The following DCHS2 variants were observed in gnomAD, a reference collection of about 807,000 sequenced individuals.
The protein encoded by DCHS2 is protocadherin-23.
A neutral mutation model predicts 182.4 loss-of-function variants in DCHS2; 142 were observed. The ratio of observed to expected loss-of-function variants is 0.78; its 90% CI spans 0.68 to 0.89. DCHS2 has a LOEUF of 0.89. Among genes scored for constraint, DCHS2 ranks in the 40% least tolerant of loss-of-function variants. The pLI, the probability that DCHS2 is intolerant of heterozygous loss-of-function variation, is 0.00. For synonymous variants in DCHS2, 1,740 were observed against 1,663.3 expected (o/e 1.05, Z -1.12); for missense variants, 4,319 against 4,198.6 (o/e 1.03, Z -0.79).
chr4:154,329,660 C>T lies in DCHS2; in HGVS notation c.3781G>A (p.Glu1261Lys). Residue 1261 changes from glutamate to lysine, a missense_variant, in exon 6 of 20, where the codon GAG becomes AAG. Coordinates refer to ENST00000357232, the MANE Select transcript of DCHS2 (RefSeq NM_001358235.2). ...CGGTCTGTCACTAGCACAGTCATCT[C>T]ATGGTGCCCCCGGTGCTCACGATCC... is the stretch of plus-strand genomic sequence containing the variant. ...ALDREHRGHH[E>K]MTVLVTDRGS... is the part of the protein sequence containing the mutation. 1 of 1,612,312 alleles carries T rather than the reference C, an allele frequency of 6.2e-7. No homozygotes were observed. Among genetic ancestry groups the T allele is most frequent in the Non-Finnish European group, 8.5e-7 (1 of 1,179,868 alleles).
intron 16 of DCHS2, 69 bp from the exon 17 acceptor site, chr4:154,242,841 A>C: frequency 6.6e-7 from 1 of 1,509,466 alleles, no homozygotes; most frequent in Non-Finnish European, 8.8e-7. Context: ...ATAAATATCA[A>C]ATATCTAGTT....
At chr4:154,369,100 T>C (rs960941746) in intron 2 of DCHS2, among the ~76,000 whole-genome samples, 2 of 152,214 alleles carry the variant, frequency 1.3e-5, no homozygotes, top group Non-Finnish European at 2.9e-5. Context: ...ATTCTAATGT[T>C]GTCTTCTTAA....
At chr4:154,489,124 C>CA (rs34485270) in intron 1 of DCHS2, among the ~76,000 whole-genome samples, 180 bp downstream of exon 1, 2 of 151,454 alleles carry the variant, frequency 1.3e-5, no homozygotes, top group East Asian at 1.9e-4. Context: ...AAGACCCTGG[C>CA]AAAAAAAAGT....
At chr4:154,405,015 G>A (rs1029734884) in intron 1 of DCHS2, among the ~76,000 whole-genome samples, 2 of 152,164 alleles carry the variant, frequency 1.3e-5, no homozygotes, top group Admixed American at 1.3e-4. Flanking sequence ...GGGAGGCTGA[G>A]GTGGCTGGAT....
At position 154,341,143 on chromosome 4, in the gene DCHS2, T is replaced by C. The variant is rs1048187297; in HGVS notation, c.2477-6039A>G. On this transcript the variant is annotated intron_variant, in intron 3 of 19. Transcript: ENST00000357232. ...CAGCACTCTGGGAGGCCGAGGCGGG[T>C]GGATCACGAGGTCAGGAGATGGAGA... Among the ~76,000 whole-genome samples, 7 of 151,922 alleles carry C rather than the reference T, an allele frequency of 4.6e-5. No homozygotes were observed. The East Asian group carries it at 1.4e-3, about 29-fold the overall frequency.
chr4:154,357,648 C>A (rs1348926991), intron 3 of DCHS2, among the ~76,000 whole-genome samples: 3 of 152,142 alleles, frequency 2.0e-5, no homozygotes, highest in African/African-American at 7.2e-5. Context: ...TATTTTCATA[C>A]TTTCTTGAAT....
chr4:154,362,615 T>C (rs1730173778), intron 3 of DCHS2, among the ~76,000 whole-genome samples: 1 of 152,054 alleles, frequency 6.6e-6, no homozygotes, highest in Non-Finnish European at 1.5e-5. Context: ...TGGGTTTGAA[T>C]TGCGTGAGTC....
chr4:154,488,717 A>C (rs1425107795), intron 1 of DCHS2, among the ~76,000 whole-genome samples: 1 of 152,140 alleles, frequency 6.6e-6, no homozygotes, highest in East Asian at 1.9e-4. Context: ...AGCCTGGCAA[A>C]CATGGTGAAA....
At chr4:154,250,239 C>G in intron 16 of DCHS2, among the ~76,000 whole-genome samples, 1 of 152,052 alleles carries the variant, frequency 6.6e-6, no homozygotes, top group Non-Finnish European at 1.5e-5. Context: ...TCTTTCAGCC[C>G]AACCTCTCCC....
chr4:154,295,068 C>T (rs1401279957), intron 13 of DCHS2, among the ~76,000 whole-genome samples: 1 of 152,170 alleles, frequency 6.6e-6, no homozygotes, highest in Non-Finnish European at 1.5e-5. Flanking sequence ...GTGTATATAT[C>T]AGTCTCTTTC....
intron 1 of DCHS2, among the ~76,000 whole-genome samples, chr4:154,417,251 G>GAGAGAGA (rs1262645881): frequency 6.9e-6 from 1 of 144,646 alleles, no homozygotes; most frequent in Non-Finnish European, 1.5e-5. Context: ...GAGAGAGAGA[G>GAGAGAGA]ACCAGTCAGG....
intron 3 of DCHS2, among the ~76,000 whole-genome samples, chr4:154,336,420 C>T (rs1226186545): frequency 1.3e-5 from 2 of 152,080 alleles, no homozygotes; most frequent in Admixed American, 6.5e-5. Flanking sequence ...AATGAATTTG[C>T]GAACAAATAC....
chr4:154,390,270 C>T (rs1436084114), intron 1 of DCHS2, among the ~76,000 whole-genome samples: 10 of 111,228 alleles, frequency 9.0e-5, no homozygotes, highest in Middle Eastern at 5.4e-3. Context: ...CCCCCCTCCC[C>T]CCACCCCACA....
At chr4:154,316,131 A>G (rs1735848317) in intron 9 of DCHS2, 144 bp from the exon 10 acceptor site, 1 of 1,332,268 alleles carries the variant, frequency 7.5e-7, no homozygotes. Context: ...AATCATCTTT[A>G]AATGTATACA....
At chr4:154,264,910 G>A (rs190180912) in intron 14 of DCHS2, among the ~76,000 whole-genome samples, 1 of 152,148 alleles carries the variant, frequency 6.6e-6, no homozygotes, top group East Asian at 1.9e-4. Context: ...CAAAATTGTG[G>A]TCACAAAAGC....
In DCHS2 at chr4:154,236,884, T is replaced by C. The variant is rs778008477; in HGVS notation, c.7768A>G (p.Ile2590Val). The change falls in exon 20 of 20, where the codon ATC (isoleucine) becomes GTC (valine). Residue 2590 changes from isoleucine to valine, a missense_variant. Physicochemically the swap from Ile to Val is conservative, Grantham distance 29 (BLOSUM62 3). Coordinates refer to ENST00000357232, the MANE Select transcript of DCHS2 (RefSeq NM_001358235.2). Reference protein sequence around the residue: ...RENTYVEYSIISGNSQNNFHV... With the variant: ...RENTYVEYSIVSGNSQNNFHV... ...AAATTGTTCTGTGAATTACCACTGATGATGGAATATTCAACATATGTGTTT... is the reference window on the plus strand; with the variant it reads ...AAATTGTTCTGTGAATTACCACTGACGATGGAATATTCAACATATGTGTTT... 1 of 1,614,084 alleles carries C rather than the reference T, an allele frequency of 6.2e-7. No homozygotes were observed. Among genetic ancestry groups the C allele is most frequent in the South Asian group, 1.1e-5 (1 of 91,080 alleles).
In DCHS2 at chr4:154,234,430, CT is replaced by C. The variant is rs1255251940; in HGVS notation, c.*105del. On this transcript the variant is annotated 3_prime_UTR_variant, in exon 20 of 20. Transcript: ENST00000357232. ...TAAAAACTCTAACTAAATTACATCA[CT>C]TGCTTTTAGATAAAAATGAGCCCAA... 1 of 1,395,416 alleles carries C rather than the reference CT, an allele frequency of 7.2e-7. No homozygotes were observed. Among genetic ancestry groups the C allele is most frequent in the Non-Finnish European group, 9.4e-7 (1 of 1,059,912 alleles). 86.4% of individuals were successfully genotyped at this position (1,395,416 alleles called of 1,614,324 possible). A position where few individuals can be genotyped will look rare whatever the true frequency, so the allele number is the denominator to read the frequency against.
intron 2 of DCHS2, among the ~76,000 whole-genome samples, chr4:154,367,478 G>A (rs749805920): frequency 7.2e-5 from 11 of 152,100 alleles, no homozygotes; most frequent in Non-Finnish European, 1.2e-4. Flanking sequence ...AGTGAGAAGT[G>A]GATCCCATAC....
intron 1 of DCHS2, among the ~76,000 whole-genome samples, chr4:154,442,544 CA>C (rs1215297110): frequency 2.6e-4 from 22 of 85,342 alleles, no homozygotes; most frequent in South Asian, 1.0e-3. Context: ...CCCCCCCCCA[CA>C]CACACACACA....
Sources: gnomAD v4.1 joint callset for allele counts (sites outside exome capture counted in the v4.1 genomes callset) on GRCh38, gnomAD v4.1.1 for gene constraint, MANE v1.5 for transcripts, NCBI Gene and HGNC (gene_info 2026-07-23, HGNC 2026-07-21) for gene names.